Variants in ABCC4 observed in about 807,000 individuals in gnomAD.
ABCC4 encodes ATP binding cassette subfamily C member 4 (PEL blood group).
Under a neutral mutation model 168.5 loss-of-function variants are expected in ABCC4, and 102 were observed. The observed-to-expected ratio is 0.61, with a 90% CI of 0.52 to 0.71. The LOEUF is 0.71. Ranked by LOEUF, ABCC4 falls within the 30% of genes least tolerant of loss-of-function variation. ABCC4 has a pLI of 0.00. For missense variants in ABCC4, 1,402 were observed against 1,605.8 expected (o/e 0.87, Z 2.17); for synonymous variants, 617 against 590.7 (o/e 1.04, Z -0.65).
intron 3 of ABCC4, among the ~76,000 whole-genome samples, chr13:95,236,274 T>C (rs183244732): frequency 2.6e-5 from 4 of 152,312 alleles, no homozygotes; most frequent in Non-Finnish European, 5.9e-5. Context: ...CATCATTTCC[T>C]CCTGACTTCT....
intron 20 of ABCC4, among the ~76,000 whole-genome samples, chr13:95,084,331 T>G (rs1390726988): frequency 6.6e-6 from 1 of 152,210 alleles, no homozygotes; most frequent in African/African-American, 2.4e-5. Flanking sequence ...AGCCACTACA[T>G]TTTAGCTTGT....
chr13:95,250,818 G>C (rs953105418), intron 1 of ABCC4, among the ~76,000 whole-genome samples: 1 of 134,554 alleles, frequency 7.4e-6, no homozygotes, highest in African/African-American at 2.8e-5. Context: ...AGGCTGGATG[G>C]AGTACAGTGG....
chr13:95,254,676 C>T lies in ABCC4; in HGVS notation c.75-6923G>A, dbSNP rs537305567. 3.3e-5 allele frequency among the ~76,000 whole-genome samples: 5 copies of T among 152,322 alleles called. No individual in the cohort carries two copies. The East Asian group carries it at 7.7e-4, about 23-fold the overall frequency. ...TAGGACACATCTAAGCCATCCAAGTCCTATTACTTCAACATGCAAAGTATA... is the reference window on the plus strand; with the variant it reads ...TAGGACACATCTAAGCCATCCAAGTTCTATTACTTCAACATGCAAAGTATA... On this transcript the variant is annotated intron_variant, in intron 1 of 30. Transcript: ENST00000645237.
At chr13:95,296,937 T>C (rs1325507140) in intron 1 of ABCC4, among the ~76,000 whole-genome samples, 1 of 152,062 alleles carries the variant, frequency 6.6e-6, no homozygotes, top group Non-Finnish European at 1.5e-5. Flanking sequence ...CCAAAAGAAA[T>C]TCTAGCTGCC....
At chr13:95,195,060 C>A (rs566800709) in intron 8 of ABCC4, 123 bp from the exon 9 acceptor site, 2 of 723,570 alleles carry the variant, frequency 2.8e-6, no homozygotes, top group Admixed American at 5.3e-5. Context: ...ATTTTACCAA[C>A]CCTATTTAAA....
At chr13:95,276,383 C>G (rs560224270) in intron 1 of ABCC4, among the ~76,000 whole-genome samples, 1 of 138,816 alleles carries the variant, frequency 7.2e-6, no homozygotes, top group African/African-American at 2.7e-5. Context: ...CCACTGCACT[C>G]GAGCCTGGGA....
At chr13:95,063,174 T>C (rs2033368397) in intron 25 of ABCC4, among the ~76,000 whole-genome samples, 1 of 152,180 alleles carries the variant, frequency 6.6e-6, no homozygotes, top group Non-Finnish European at 1.5e-5. Flanking sequence ...AAACTGCCCC[T>C]GGTTGAGATC....
At position 95,062,969 on chromosome 13, in the gene ABCC4, A is replaced by C. The variant is rs1170293718; in HGVS notation, c.3211-110T>G. 6 of 1,256,056 alleles carry C rather than the reference A, an allele frequency of 4.8e-6. No individual in the cohort carries two copies. In the Admixed American group the frequency reaches 1.1e-4, roughly 23 times the overall value. The allele number at this position is 1,256,056 out of a possible 1,614,324, so 77.8% of individuals were successfully genotyped here. On this transcript the variant is annotated intron_variant, in intron 25 of 30. Transcript: ENST00000645237. ...TTTGAAGAAGAATTAAGGACATTCT[A>C]TATTGAGTGTAGTCTAAGAGTTTCC...
chr13:95,157,103 C>A (rs2036890114), intron 19 of ABCC4, among the ~76,000 whole-genome samples: 1 of 147,016 alleles, frequency 6.8e-6, no homozygotes, highest in Non-Finnish European at 1.5e-5. Context: ...CACACACACA[C>A]ACACACACAC....
Position 95,083,224 on chromosome 13 carries a change from A to AG in ABCC4, c.2601dup (p.Val869GlyfsTer60), listed in dbSNP as rs2034154575. On this transcript the variant is annotated frameshift_variant, in exon 21 of 31. Coordinates refer to ENST00000645237, the MANE Select transcript of ABCC4 (RefSeq NM_005845.5). LOFTEE classifies it high-confidence loss of function. ...ATGAAAATGATTCCAAGGGGAACCA[A>AG]GGGTATTGCGATCCAAGGAATCACG... 6.2e-7 allele frequency: 1 copy of AG among 1,614,136 alleles called. No homozygotes were observed. Among genetic ancestry groups the AG allele is most frequent in the Non-Finnish European group, 8.5e-7 (1 of 1,179,988 alleles).
chr13:95,177,386 G>C (rs2037740222), intron 13 of ABCC4, among the ~76,000 whole-genome samples: 1 of 152,112 alleles, frequency 6.6e-6, no homozygotes. Flanking sequence ...TCCGGGGCCT[G>C]GTCCATCAGC....
intron 20 of ABCC4, 40 bp downstream of exon 20, chr13:95,115,882 C>T (rs753960571): frequency 1.6e-5 from 25 of 1,559,308 alleles, no homozygotes; most frequent in Non-Finnish European, 1.7e-5. Flanking sequence ...TAGGAACTTC[C>T]GTTTTCCATT....
At chr13:95,297,430 G>A (rs1304483024) in intron 1 of ABCC4, among the ~76,000 whole-genome samples, 1 of 152,122 alleles carries the variant, frequency 6.6e-6, no homozygotes, top group African/African-American at 2.4e-5. Context: ...ATAAAAGTCA[G>A]TAAGCCAGTT....
intron 20 of ABCC4, among the ~76,000 whole-genome samples, chr13:95,092,146 C>A (rs1454579248): frequency 2.0e-5 from 3 of 152,112 alleles, no homozygotes; most frequent in Admixed American, 6.5e-5. Flanking sequence ...AACACTACAG[C>A]TCTCAAATTT....
At chr13:95,223,347 T>C (rs530700079) in intron 4 of ABCC4, among the ~76,000 whole-genome samples, 6 of 152,058 alleles carry the variant, frequency 3.9e-5, no homozygotes, top group African/African-American at 1.4e-4. Context: ...CTCAAATATA[T>C]AAATAATAAA....
chr13:95,077,435 C>T (rs1031655718), intron 21 of ABCC4, among the ~76,000 whole-genome samples: 3 of 152,070 alleles, frequency 2.0e-5, no homozygotes, highest in African/African-American at 4.8e-5. Context: ...ACCTCCCAGG[C>T]TCAAGTGATC....
intron 8 of ABCC4, 125 bp from the exon 9 acceptor site, chr13:95,195,062 C>A (rs2038374170): frequency 1.4e-6 from 1 of 703,846 alleles, no homozygotes; most frequent in Non-Finnish European, 2.4e-6. Context: ...TTTACCAACC[C>A]TATTTAAAGT....
At position 95,034,612 on chromosome 13, in the gene ABCC4, G is replaced by A. The variant is rs777447817; in HGVS notation, c.3863C>T (p.Ala1288Val). 2.2e-5 allele frequency: 35 copies of A among 1,613,140 alleles called. No individual in the cohort carries two copies. The highest frequency in any genetic ancestry group is 2.9e-5 in the Non-Finnish European group (34 of 1,179,864). Residue 1288 changes from alanine to valine, a missense_variant, in exon 30 of 31, where the codon GCA (alanine) becomes GTA (valine). Ala to Val is a moderately conservative substitution (Grantham distance 64). This residue lies in a region of ABCC4 where 1,007 missense variants were observed against 1,127.3 expected (regional missense o/e 0.89). Transcript: ENST00000645237. The stretch of plus-strand genomic sequence containing the variant: ...TCCTTGGAGCACGCTCACCTGTTTT[G>A]CTGTTTCAGTGAGGGCAGCGGCTTC... ...KAEAAALTETAKQVYFKRNYP... is the reference protein window; with the variant it reads ...KAEAAALTETVKQVYFKRNYP...
intron 20 of ABCC4, among the ~76,000 whole-genome samples, chr13:95,102,679 G>T (rs936534333): frequency 5.3e-5 from 8 of 150,806 alleles, no homozygotes; most frequent in Non-Finnish European, 7.4e-5. Context: ...GAGTGCAATG[G>T]CACAATCTTG....
Sources: allele counts gnomAD v4.1 joint callset (sites outside exome capture counted in the v4.1 genomes callset), GRCh38; gene constraint gnomAD v4.1.1; regional missense constraint gnomAD v4.1.1; transcripts MANE v1.5; gene names NCBI Gene and HGNC (gene_info 2026-07-23, HGNC 2026-07-21).